The following INSR variants were observed in gnomAD, a reference collection of about 807,000 sequenced individuals.
INSR encodes IR.
INSR carries 67 observed loss-of-function variants against 142.6 expected under a neutral mutation model. The ratio of observed to expected loss-of-function variants is 0.47; its 90% CI spans 0.39 to 0.58. INSR has a LOEUF of 0.58. INSR is among the 20% of genes least tolerant of loss of function. INSR has a pLI of 0.00. For missense variants in INSR, 1,248 were observed against 1,833.2 expected, an observed-to-expected ratio of 0.68 and a Z score of 5.83; for synonymous variants, 756 against 743.1, an observed-to-expected ratio of 1.02 and a Z score of -0.28.
intron 13 of INSR, among the ~76,000 whole-genome samples, chr19:7,132,940 A>C (rs1449167534): frequency 6.6e-6 from 1 of 152,054 alleles, no homozygotes; most frequent in African/African-American, 2.4e-5. Flanking sequence ...TATCTTTCTA[A>C]AAATCATTTG....
intron 17 of INSR, 154 bp from the exon 18 acceptor site, chr19:7,123,143 G>A (rs953332409): frequency 1.8e-5 from 12 of 652,856 alleles, no homozygotes; most frequent in East Asian, 8.2e-5. Flanking sequence ...ATACCTGCCC[G>A]GACAGCAGAC....
rs1368530033 is a variant in INSR at position 7,184,501 on chromosome 19, C to T, written c.789G>A (p.Arg263=). The T allele has an allele frequency of 6.2e-7, 1 of 1,613,986 alleles. No homozygotes were observed. The highest frequency in any genetic ancestry group is 8.5e-7 in the Non-Finnish European group (1 of 1,180,022). The stretch of plus-strand genomic sequence containing the variant: ...ACGGGGGCGGGCAGGTCTCCACACA[C>T]CTGCCGTCCAGGTAGAAGTTGCGGC... The part of the protein sequence containing the change: ...VACRNFYLDG[R]CVETCPPPYY... Residue 263 remains arginine, a synonymous_variant, in exon 3 of 22, where the codon AGG becomes AGA. Transcript: ENST00000302850.
At position 7,204,401 on chromosome 19, in the gene INSR, G is replaced by A. The variant is rs141715844; in HGVS notation, c.653-19764C>T. 1.4e-3 allele frequency among the ~76,000 whole-genome samples: 218 copies of A among 152,070 alleles called. 9 individuals carry two copies. In the East Asian group the frequency reaches 0.039, roughly 27 times the overall value. The stretch of plus-strand genomic sequence containing the variant: ...CCCTCTATAAGTTACGAGAGTCTTC[G>A]TGTGTCATCTCCATGCCAGGAGCCT... On this transcript the variant is annotated intron_variant, in intron 2 of 21. Transcript: ENST00000302850.
rs2144783877 is a variant in INSR, at chr19:7,114,995, C to G, written c.*2061G>C. 6.6e-6 allele frequency: 1 copy of G among 152,150 alleles called. No homozygotes were observed. Among genetic ancestry groups the G allele is most frequent in the African/African-American group, 2.4e-5 (1 of 41,498 alleles). 9.4% of individuals were successfully genotyped at this position (152,150 alleles called of 1,614,324 possible). A position where few individuals can be genotyped will look rare whatever the true frequency, so the allele number is the denominator to read the frequency against. On this transcript the variant is annotated 3_prime_UTR_variant, in exon 22 of 22. Transcript: ENST00000302850. ...TTTCTGTACTCTTGCTTCTTGTACCCAATCACTGAGGCTCCTCAGCAATAT... is the reference window on the plus strand; with the variant it reads ...TTTCTGTACTCTTGCTTCTTGTACCGAATCACTGAGGCTCCTCAGCAATAT...
intron 9 of INSR, among the ~76,000 whole-genome samples, chr19:7,153,136 C>CAA (rs1973449461): frequency 1.3e-4 from 1 of 7,974 alleles, no homozygotes; most frequent in East Asian, 2.0e-3. Flanking sequence ...ACACCACACA[C>CAA]CACACACACC....
intron 1 of INSR, among the ~76,000 whole-genome samples, chr19:7,273,347 G>T (rs1967976550): frequency 6.6e-6 from 1 of 152,094 alleles, no homozygotes; most frequent in Admixed American, 6.6e-5. Flanking sequence ...AGAAATGAAG[G>T]CAGAAATAGA....
chr19:7,122,482 C>CA, intron 19 of INSR, 132 bp downstream of exon 19: 1 of 974,662 alleles, frequency 1.0e-6, no homozygotes, highest in Non-Finnish European at 1.5e-6. Flanking sequence ...AAAAAAACCC[C>CA]ACAAAAAAAA....
chr19:7,154,459 C>T (rs147463356), intron 9 of INSR, among the ~76,000 whole-genome samples: 2,645 of 149,562 alleles, frequency 0.018, 95 homozygotes, highest in African/African-American at 0.061. Context: ...GCCGCTGCCA[C>T]GCCCGGCTAA....
At chr19:7,236,416 G>A (rs186802351) in intron 2 of INSR, among the ~76,000 whole-genome samples, 2 of 152,276 alleles carry the variant, frequency 1.3e-5, no homozygotes, top group East Asian at 3.9e-4. Context: ...GCCAAAAGTT[G>A]AAAACAACCC....
intron 9 of INSR, among the ~76,000 whole-genome samples, chr19:7,161,590 A>G (rs1032266165): frequency 2.4e-4 from 36 of 152,066 alleles, no homozygotes; most frequent in Non-Finnish European, 5.0e-4. Flanking sequence ...ATATGAGATA[A>G]CCAATTCTTG....
intron 2 of INSR, among the ~76,000 whole-genome samples, chr19:7,262,031 T>C (rs1977080618): frequency 6.6e-6 from 1 of 152,160 alleles, no homozygotes; most frequent in Non-Finnish European, 1.5e-5. Context: ...CAACTACGGA[T>C]GTTCACAGAA....
chr19:7,268,785 T>G (rs112501568), intron 1 of INSR, among the ~76,000 whole-genome samples: 34,528 of 151,906 alleles, frequency 0.23, 4,288 homozygotes, highest in Non-Finnish European at 0.29. Context: ...CATATAACAG[T>G]CATCTCTAGG....
intron 20 of INSR, 68 bp downstream of exon 20, chr19:7,120,552 G>A (rs1441561406): frequency 5.6e-5 from 89 of 1,595,884 alleles, no homozygotes; most frequent in Middle Eastern, 1.7e-4. Context: ...TCCTTCCCCC[G>A]CTCTTGGCTC....
chr19:7,184,263 C>T (rs1599957907), intron 3 of INSR, 53 bp downstream of exon 3: 2 of 1,521,844 alleles, frequency 1.3e-6, no homozygotes, highest in East Asian at 4.5e-5. Context: ...TCACAACCAA[C>T]CCCACGTTCC....
At chr19:7,196,738 T>A (rs1568479472) in intron 2 of INSR, among the ~76,000 whole-genome samples, 1 of 150,438 alleles carries the variant, frequency 6.6e-6, no homozygotes, top group African/African-American at 2.5e-5. Flanking sequence ...TTCCGAAGTT[T>A]AAAAAAAACT....
chr19:7,290,874 A>T (rs1968474614), intron 1 of INSR, among the ~76,000 whole-genome samples: 1 of 151,942 alleles, frequency 6.6e-6, no homozygotes, highest in South Asian at 2.1e-4. Flanking sequence ...GGTCGAGACC[A>T]TCCTGGCTAA....
At chr19:7,120,476 G>T in intron 20 of INSR, 144 bp downstream of exon 20, 1 of 899,608 alleles carries the variant, frequency 1.1e-6, no homozygotes. Flanking sequence ...GAGTAGCCGT[G>T]GGAAGATCCT....
intron 13 of INSR, among the ~76,000 whole-genome samples, chr19:7,135,124 A>G (rs1194641536): frequency 7.1e-6 from 1 of 139,976 alleles, no homozygotes; most frequent in Non-Finnish European, 1.5e-5. Flanking sequence ...CAACAACCCC[A>G]TGCTTATCGT....
intron 2 of INSR, among the ~76,000 whole-genome samples, chr19:7,257,996 T>C (rs965122077): frequency 1.3e-5 from 2 of 152,348 alleles, no homozygotes; most frequent in African/African-American, 4.8e-5. Flanking sequence ...CTAATGTTTG[T>C]ACATTTTTTA....
Sources: allele counts gnomAD v4.1 joint callset (sites outside exome capture counted in the v4.1 genomes callset), GRCh38; gene constraint gnomAD v4.1.1; transcripts MANE v1.5; gene names NCBI Gene and HGNC (gene_info 2026-07-23, HGNC 2026-07-21).